Variants in HMCN2 observed in about 807,000 individuals in gnomAD.
HMCN2 encodes the protein hemicentin-2.
In HMCN2, 325 loss-of-function variants were observed where a neutral mutation model predicts 377.5. The observed-to-expected ratio is 0.86, with a 90% CI of 0.79 to 0.94. The LOEUF (loss-of-function observed/expected upper bound fraction) is 0.94, where lower values mean the gene tolerates loss of function less well. Ranked by LOEUF, HMCN2 falls within the 40% of genes least tolerant of loss-of-function variation. The pLI, the probability that HMCN2 is intolerant of heterozygous loss-of-function variation, is 0.00. For synonymous variants in HMCN2, 2,007 were observed against 2,046.8 expected (o/e 0.98, Z 0.53); for missense variants, 4,543 against 4,725.3 (o/e 0.96, Z 1.13).
Position 130,425,712 on chromosome 9 carries a change from CAG to C in HMCN2, c.13668_13669del (p.Gly4557AlafsTer53). ...GACTTTGAGGAGCACTACGTGCAAACAGGGCCTGGCCAGCTGTTCGTGGGCTC... is the reference window on the plus strand; with the variant it reads ...GACTTTGAGGAGCACTACGTGCAAACGGCCTGGCCAGCTGTTCGTGGGCTC... On this transcript the variant is annotated frameshift_variant, in exon 90 of 98. Transcript: ENST00000683500. LOFTEE classifies it high-confidence loss of function. The C allele has an allele frequency of 3.0e-6, 4 of 1,332,996 alleles. No individual in the cohort carries two copies. The highest frequency in any genetic ancestry group is 4.0e-6 in the Non-Finnish European group (4 of 1,009,166). 82.6% of individuals were successfully genotyped at this position (1,332,996 alleles called of 1,614,324 possible). A position where few individuals can be genotyped will look rare whatever the true frequency, so the allele number is the denominator to read the frequency against.
intron 1 of HMCN2, among the ~76,000 whole-genome samples, chr9:130,280,915 C>A (rs1430717067): frequency 2.0e-5 from 3 of 151,912 alleles, no homozygotes; most frequent in South Asian, 2.1e-4. Flanking sequence ...ACCATCCTGG[C>A]CAACATGGTG....
Position 130,392,735 on chromosome 9 carries a change from C to G in HMCN2, c.10137-477C>G, listed in dbSNP as rs192782778. Among the ~76,000 whole-genome samples, 88 of 142,334 alleles carry G rather than the reference C, an allele frequency of 6.2e-4. 3 individuals carry two copies. In the East Asian group the frequency reaches 0.012, roughly 19 times the overall value. The allele number at this position is 142,334 out of a possible 152,430, so 93.4% of individuals were successfully genotyped here. ...TAAGCAGGCCGGGTGCGGTGGCTCA[C>G]GCCTGTAATCCAGCACTTTGGGAGG... is the stretch of plus-strand genomic sequence containing the variant. On this transcript the variant is annotated intron_variant, in intron 66 of 97. Coordinates refer to ENST00000683500, the MANE Select transcript of HMCN2 (RefSeq NM_001291815.2).
At chr9:130,272,022 C>A (rs996022456) in intron 1 of HMCN2, among the ~76,000 whole-genome samples, 6 of 149,294 alleles carry the variant, frequency 4.0e-5, no homozygotes, top group African/African-American at 1.2e-4. Context: ...AGTCAGAAAT[C>A]TGTCTCCTGC....
At position 130,355,869 on chromosome 9, in the gene HMCN2, G is replaced by T; in HGVS notation, c.5255+15G>T. ...CCCACTATCCAGTGAGTCTGGGGTG[G>T]TGGAGGCCAGGGCTGGGGGTAGGCA... On this transcript the variant is annotated intron_variant, in intron 33 of 97. Transcript: ENST00000683500. 1 of 1,274,378 alleles carries T rather than the reference G, an allele frequency of 7.8e-7. No individual in the cohort carries two copies. Among genetic ancestry groups the T allele is most frequent in the Non-Finnish European group, 1.0e-6 (1 of 962,552 alleles). 78.9% of individuals were successfully genotyped at this position (1,274,378 alleles called of 1,614,324 possible).
At position 130,371,089 on chromosome 9, in the gene HMCN2, G is replaced by C; in HGVS notation, c.7195G>C (p.Glu2399Gln). 1.0e-6 allele frequency: 1 copy of C among 985,856 alleles called. No individual in the cohort carries two copies. The highest frequency in any genetic ancestry group is 1.2e-6 in the Non-Finnish European group (1 of 830,028). The allele number at this position is 985,856 out of a possible 1,614,324, so 61.1% of individuals were successfully genotyped here. A position where few individuals can be genotyped will look rare whatever the true frequency, so the allele number is the denominator to read the frequency against. ...PPPAIRWFRG[E>Q]EPVSPGEDTY... Reference sequence around the variant, plus strand: ...TCCAGCCATCCGCTGGTTCCGAGGGGAGGAGCCTGTCAGCCCCGGGGAGGA... The same window carrying C: ...TCCAGCCATCCGCTGGTTCCGAGGGCAGGAGCCTGTCAGCCCCGGGGAGGA... Residue 2399 changes from glutamate (E) to glutamine (Q), a missense_variant, in exon 46 of 98, where the codon GAG becomes CAG. Transcript: ENST00000683500.
At position 130,362,167 on chromosome 9, in the gene HMCN2, T is replaced by C; in HGVS notation, c.6108+2T>C. On this transcript the variant is annotated splice_donor_variant, in intron 39 of 97. Coordinates refer to ENST00000683500, the MANE Select transcript of HMCN2 (RefSeq NM_001291815.2). LOFTEE classifies it high-confidence loss of function. ...CCTGCAGGGACCCCTGGCCTGCAGG[T>C]CAGTAGGGCTGGGTGGCCCCGGCTC... 1 of 985,800 alleles carries C rather than the reference T, an allele frequency of 1.0e-6. No homozygotes were observed. The highest frequency in any genetic ancestry group is 1.2e-6 in the Non-Finnish European group (1 of 829,898). 61.1% of individuals were successfully genotyped at this position (985,800 alleles called of 1,614,324 possible). A position where few individuals can be genotyped will look rare whatever the true frequency, so the allele number is the denominator to read the frequency against.
intron 4 of HMCN2, among the ~76,000 whole-genome samples, chr9:130,292,079 T>C (rs1419024726): frequency 6.6e-6 from 1 of 152,148 alleles, no homozygotes; most frequent in Non-Finnish European, 1.5e-5. Context: ...AAGGTCTGAT[T>C]TGATGAAGGC....
intron 40 of HMCN2, among the ~76,000 whole-genome samples, chr9:130,364,355 G>T (rs1314688718): frequency 6.6e-6 from 1 of 152,210 alleles, no homozygotes; most frequent in Non-Finnish European, 1.5e-5. Flanking sequence ...TGCTTCAGGG[G>T]CAAAAGGTGG....
chr9:130,342,686 C>T (rs1480978794), intron 25 of HMCN2, among the ~76,000 whole-genome samples: 2 of 152,186 alleles, frequency 1.3e-5, no homozygotes, highest in Admixed American at 6.5e-5. Context: ...CAGGATGTGA[C>T]TCAGAATGTG....
chr9:130,429,869 C>T (rs183823248), intron 94 of HMCN2, 184 bp downstream of exon 94: 17 of 1,177,808 alleles, frequency 1.4e-5, no homozygotes, highest in East Asian at 2.7e-5. Flanking sequence ...AAACAGCAGC[C>T]GACACTTTGC....
At chr9:130,302,336 G>C (rs1006271480) in intron 8 of HMCN2, among the ~76,000 whole-genome samples, 1 of 152,190 alleles carries the variant, frequency 6.6e-6, no homozygotes. Context: ...GTGAGCCATC[G>C]CGCCTGGACT....
At chr9:130,371,193 T>C (rs1257184206) in intron 46 of HMCN2, 62 bp downstream of exon 46, 23 of 910,848 alleles carry the variant, frequency 2.5e-5, no homozygotes, top group Non-Finnish European at 2.9e-5. Flanking sequence ...TCTGACTCTA[T>C]CCATTACATG....
In HMCN2 at chr9:130,418,984, T is replaced by G. The variant is rs1667626411; in HGVS notation, c.13174T>G (p.Cys4392Gly). 20 of 1,510,992 alleles carry G rather than the reference T, an allele frequency of 1.3e-5. No homozygotes were observed. The highest frequency in any genetic ancestry group is 1.8e-5 in the Non-Finnish European group (20 of 1,125,084). The allele number at this position is 1,510,992 out of a possible 1,614,324, so 93.6% of individuals were successfully genotyped here. The change falls in exon 86 of 98, where the codon TGC becomes GGC. Residue 4392 changes from cysteine (C) to glycine (G), a missense_variant. Physicochemically the swap from Cys to Gly is radical, Grantham distance 159. Around this residue, in one of 5 missense-constraint regions of HMCN2, gnomAD observed 1,155 missense variants for 1,157.7 expected, o/e 1.00. Transcript: ENST00000683500. ...GACTGGGGATGCAGGCACCTACGACTGCGTCGCTCACAACCTCCTGGGCTC... is the reference window on the plus strand; with the variant it reads ...GACTGGGGATGCAGGCACCTACGACGGCGTCGCTCACAACCTCCTGGGCTC... ...VETGDAGTYD[C>G]VAHNLLGSAT... is the part of the protein sequence containing the mutation.
intron 54 of HMCN2, among the ~76,000 whole-genome samples, chr9:130,379,783 C>T (rs1278295364): frequency 3.9e-5 from 6 of 152,236 alleles, no homozygotes; most frequent in African/African-American, 7.2e-5. Context: ...AGCTCATGAC[C>T]CCAAACGCTG....
At chr9:130,392,616 C>T (rs1190123359) in intron 66 of HMCN2, among the ~76,000 whole-genome samples, 2 of 152,212 alleles carry the variant, frequency 1.3e-5, no homozygotes, top group Middle Eastern at 3.4e-3. Context: ...GGCAGGAGGT[C>T]TGGCTTCAGA....
intron 22 of HMCN2, among the ~76,000 whole-genome samples, chr9:130,331,807 C>T (rs903534027): frequency 0.021 from 3,147 of 152,318 alleles, 44 homozygotes; most frequent in Middle Eastern, 0.037. Context: ...CTGGCTCTGG[C>T]TGTGGCTCCC....
At chr9:130,327,257 T>G (rs2070333775) in intron 21 of HMCN2, 53 bp from the exon 22 acceptor site, 1 of 152,370 alleles carries the variant, frequency 6.6e-6, no homozygotes, top group Non-Finnish European at 1.5e-5. Context: ...AGGGCGCTCA[T>G]GGACCCTAGT....
chr9:130,293,303 G>GTTTTTTTTT (rs1588186458), intron 4 of HMCN2, among the ~76,000 whole-genome samples: 17 of 77,240 alleles, frequency 2.2e-4, no homozygotes, highest in Non-Finnish European at 2.6e-4. Flanking sequence ...TTTTTTTTGC[G>GTTTTTTTTT]GTTCTTGTTG....
chr9:130,369,850 G>A lies in HMCN2; in HGVS notation c.7068G>A (p.Leu2356=). 1 of 986,130 alleles carries A rather than the reference G, an allele frequency of 1.0e-6. No individual in the cohort carries two copies. Among genetic ancestry groups the A allele is most frequent in the Non-Finnish European group, 1.2e-6 (1 of 830,398 alleles). 61.1% of individuals were successfully genotyped at this position (986,130 alleles called of 1,614,324 possible). ...AGAGGAAGTTTGAGCTCTCCGTACT[G>A]GGTGAGGACCGGCAGCTGCTGGAGG... ...RAERKFELSV[L]VPPELIGDLD... Residue 2356 remains leucine, a splice_region_variant and synonymous_variant, in exon 45 of 98, where the codon CTG becomes CTA. Coordinates refer to ENST00000683500, the MANE Select transcript of HMCN2 (RefSeq NM_001291815.2). The surrounding 1 kb of genome is among the most constrained non-coding windows in gnomAD (Gnocchi z 4.5).
Sources: gnomAD v4.1 joint callset for allele counts (sites outside exome capture counted in the v4.1 genomes callset) on GRCh38, gnomAD v4.1.1 for gene constraint, gnomAD v4.1.1 regional missense constraint, Gnocchi (gnomAD v3.1) non-coding constraint, MANE v1.5 for transcripts, NCBI Gene and HGNC (gene_info 2026-07-23, HGNC 2026-07-21) for gene names.